Variants in CALN1 observed in about 807,000 individuals in gnomAD.
CALN1 encodes calcium-binding protein 8.
Under a neutral mutation model 30.6 loss-of-function variants are expected in CALN1, and 17 were observed. That is an observed-to-expected ratio of 0.56 (90% confidence interval 0.38 to 0.83). The LOEUF is 0.83. Among genes scored for constraint, CALN1 ranks in the 40% least tolerant of loss-of-function variants. The pLI is 0.00. For missense variants in CALN1, 291 were observed against 354.9 expected, an observed-to-expected ratio of 0.82 and a Z score of 1.45; for synonymous variants, 156 against 131.4, an observed-to-expected ratio of 1.19 and a Z score of -1.28.
Position 72,311,717 on chromosome 7 carries a change from G to A in CALN1, c.120-32907C>T, listed in dbSNP as rs902922828. ...TTGCCATGTTGCCCAGGCTGGTCTC[G>A]AACTCCTGAGCTCAAGCGATCCACC... On this transcript the variant is annotated intron_variant, in intron 2 of 6. Transcript: ENST00000395275. 2.0e-4 allele frequency among the ~76,000 whole-genome samples: 24 copies of A among 122,078 alleles called. No individual in the cohort carries two copies. In the East Asian group the frequency reaches 5.1e-3, roughly 26 times the overall value. 80.1% of individuals were successfully genotyped at this position (122,078 alleles called of 152,430 possible).
intron 5 of CALN1, among the ~76,000 whole-genome samples, chr7:71,892,822 T>C (rs938385417): frequency 6.6e-6 from 1 of 152,180 alleles, no homozygotes; most frequent in African/African-American, 2.4e-5. Context: ...TTTGTATGTT[T>C]CTAATAGTTA....
intron 4 of CALN1, among the ~76,000 whole-genome samples, chr7:72,047,688 C>T (rs1802559144): frequency 6.6e-6 from 1 of 152,138 alleles, no homozygotes; most frequent in African/African-American, 2.4e-5. Flanking sequence ...ACCTGGGACG[C>T]GCTGGCAGGG....
intron 3 of CALN1, among the ~76,000 whole-genome samples, chr7:72,191,854 T>G (rs763644700): frequency 2.0e-5 from 3 of 152,162 alleles, no homozygotes; most frequent in Non-Finnish European, 4.4e-5. Flanking sequence ...AATCAAGGTG[T>G]CAGCAGAGCC....
intron 5 of CALN1, among the ~76,000 whole-genome samples, chr7:71,971,968 A>AGAAT (rs1797849427): frequency 7.3e-6 from 1 of 137,222 alleles, no homozygotes; most frequent in Admixed American, 7.6e-5. Context: ...AAAGAAAGAA[A>AGAAT]GAAAGAAAGA....
At chr7:72,213,862 G>A (rs73143203) in intron 3 of CALN1, among the ~76,000 whole-genome samples, 1,631 of 152,294 alleles carry the variant, frequency 0.011, 20 homozygotes, top group South Asian at 0.041. Context: ...AGAGAGCTCC[G>A]TAGCTTCTTG....
At chr7:72,057,539 G>A (rs1803346090) in intron 4 of CALN1, among the ~76,000 whole-genome samples, 1 of 151,728 alleles carries the variant, frequency 6.6e-6, no homozygotes, top group South Asian at 2.1e-4. Context: ...AATATAAATA[G>A]GAAATGAAAA....
intron 5 of CALN1, among the ~76,000 whole-genome samples, chr7:71,975,525 C>A (rs1485683914): frequency 1.3e-5 from 2 of 152,090 alleles, no homozygotes; most frequent in Non-Finnish European, 2.9e-5. Flanking sequence ...CTCCTGGGCT[C>A]AGGAAATCCT....
chr7:72,250,234 G>A (rs559907077), intron 3 of CALN1, among the ~76,000 whole-genome samples: 1 of 152,298 alleles, frequency 6.6e-6, no homozygotes, highest in African/African-American at 2.4e-5. Flanking sequence ...GATTAGGAGA[G>A]GCTGAACTGT....
At chr7:72,469,826 C>T in the CALN1 span, among the ~76,000 whole-genome samples, 1 of 152,158 alleles carries the variant, frequency 6.6e-6, no homozygotes, top group Non-Finnish European at 1.5e-5. Flanking sequence ...CTTGCCTGAA[C>T]CCAGTCAAGG....
At chr7:72,386,374 G>A (rs1029887797) in intron 2 of CALN1, among the ~76,000 whole-genome samples, 4 of 152,136 alleles carry the variant, frequency 2.6e-5, no homozygotes, top group African/African-American at 9.7e-5. Flanking sequence ...AAGTAACTTT[G>A]GAAATGGCTG....
chr7:72,282,062 A>T (rs1377866421), intron 2 of CALN1, among the ~76,000 whole-genome samples: 6 of 152,214 alleles, frequency 3.9e-5, no homozygotes, highest in Non-Finnish European at 5.9e-5. Context: ...TAGATATATA[A>T]AGTCATGTTC....
chr7:71,876,622 A>AG (rs112427365), intron 5 of CALN1, among the ~76,000 whole-genome samples: 31 of 152,216 alleles, frequency 2.0e-4, no homozygotes, highest in Middle Eastern at 3.4e-3. Flanking sequence ...TTACTTGGTA[A>AG]GGGGGGGAGA....
chr7:71,864,459 A>G (rs1791473386), intron 5 of CALN1, among the ~76,000 whole-genome samples: 1 of 152,160 alleles, frequency 6.6e-6, no homozygotes. Flanking sequence ...CAAAGCTAGT[A>G]CAAAACAGGG....
At chr7:72,203,184 C>A (rs112618425) in intron 3 of CALN1, among the ~76,000 whole-genome samples, 1 of 151,778 alleles carries the variant, frequency 6.6e-6, no homozygotes, top group African/African-American at 2.4e-5. Context: ...CAGGGCCTGT[C>A]GGGGGGTGAG....
rs1480652548 is a variant in CALN1 at position 71,842,611 on chromosome 7, G to A, written c.502-32119C>T. The stretch of plus-strand genomic sequence containing the variant: ...GCCAGAGAAATACACCGGTACATTA[G>A]CTTCTCTGCTTCCATTTGCAACGTT... On this transcript the variant is annotated intron_variant, in intron 5 of 6. Coordinates refer to ENST00000395275, the MANE Select transcript of CALN1 (RefSeq NM_031468.4). Among the ~76,000 whole-genome samples, 6 of 152,170 alleles carry A rather than the reference G, an allele frequency of 3.9e-5. No individual in the cohort carries two copies. The East Asian group carries it at 1.2e-3, about 29-fold the overall frequency.
At chr7:72,271,737 C>A (rs969587520) in intron 3 of CALN1, among the ~76,000 whole-genome samples, 1 of 150,728 alleles carries the variant, frequency 6.6e-6, no homozygotes, top group Non-Finnish European at 1.5e-5. Flanking sequence ...AACAACAGTG[C>A]CAGATGCTGC....
chr7:72,318,016 TTC>T (rs1800607498), intron 2 of CALN1, among the ~76,000 whole-genome samples: 1 of 152,204 alleles, frequency 6.6e-6, no homozygotes, highest in African/African-American at 2.4e-5. Flanking sequence ...TGAGTGTTAT[TTC>T]TGATTGAGCG....
At chr7:72,289,676 T>G (rs1798339330) in intron 2 of CALN1, among the ~76,000 whole-genome samples, 1 of 152,120 alleles carries the variant, frequency 6.6e-6, no homozygotes, top group Non-Finnish European at 1.5e-5. Context: ...TAGGCTAAAT[T>G]AACCACAAAA....
intron 2 of CALN1, among the ~76,000 whole-genome samples, chr7:72,370,089 A>G (rs910290642): frequency 6.6e-6 from 1 of 152,226 alleles, no homozygotes; most frequent in Non-Finnish European, 1.5e-5. Context: ...CCCATCAGTC[A>G]TGCATGAGAG....
Sources: allele counts gnomAD v4.1 joint callset (sites outside exome capture counted in the v4.1 genomes callset), GRCh38; gene constraint gnomAD v4.1.1; transcripts MANE v1.5; gene names NCBI Gene and HGNC (gene_info 2026-07-23, HGNC 2026-07-21).